The following NRXN3 variants were observed in gnomAD, a reference collection of about 807,000 sequenced individuals.
NRXN3 encodes neurexin III.
A neutral mutation model predicts 137.6 loss-of-function variants in NRXN3; 32 were observed. The ratio of observed to expected loss-of-function variants is 0.23; its 90% confidence interval spans 0.18 to 0.31. The LOEUF is 0.31. Among genes scored for constraint, NRXN3 ranks in the 10% least tolerant of loss-of-function variants. The probability of loss-of-function intolerance (pLI) is 1.00; values close to 1 mark genes in which losing one functional copy is unlikely to be tolerated. For missense variants in NRXN3, 1,574 were observed against 2,062.5 expected (o/e 0.76, Z 4.59); for synonymous variants, 798 against 784.5 (o/e 1.02, Z -0.29).
At chr14:79,081,858 C>T (rs186362888) in intron 15 of NRXN3, among the ~76,000 whole-genome samples, 10 of 152,076 alleles carry the variant, frequency 6.6e-5, no homozygotes, top group African/African-American at 9.6e-5. Context: ...TTAGGCACTG[C>T]GGTATGCCTC....
chr14:79,348,493 A>T (rs1199984938), intron 15 of NRXN3, among the ~76,000 whole-genome samples: 1 of 150,826 alleles, frequency 6.6e-6, no homozygotes, highest in Admixed American at 6.6e-5. Flanking sequence ...TTCCTGCCTC[A>T]GCCTCCTGAG....
intron 10 of NRXN3, among the ~76,000 whole-genome samples, chr14:78,878,914 T>G (rs1323199975): frequency 6.7e-6 from 1 of 148,808 alleles, no homozygotes; most frequent in African/African-American, 2.5e-5. Context: ...TATGAGTTTG[T>G]TTTTTTTTTA....
chr14:79,152,431 C>A (rs1430125049), intron 15 of NRXN3, among the ~76,000 whole-genome samples: 1 of 152,012 alleles, frequency 6.6e-6, no homozygotes, highest in African/African-American at 2.4e-5. Context: ...TACTCCCCAC[C>A]ATTGACACAT....
intron 4 of NRXN3, among the ~76,000 whole-genome samples, chr14:78,618,964 G>T (rs1275215579): frequency 1.3e-5 from 2 of 152,170 alleles, no homozygotes; most frequent in African/African-American, 4.8e-5. Flanking sequence ...CTTTATGTAT[G>T]ACCCCTTAAT....
intron 4 of NRXN3, among the ~76,000 whole-genome samples, chr14:78,363,656 C>A (rs2153608588): frequency 6.6e-6 from 1 of 152,292 alleles, no homozygotes; most frequent in East Asian, 1.9e-4. Context: ...TGATAAGGTG[C>A]TATCTGGCTG....
At position 78,615,770 on chromosome 14, in the gene NRXN3, A is replaced by AC. The variant is rs1181369096; in HGVS notation, c.758-29345dup. Among the ~76,000 whole-genome samples, 65 of 151,768 alleles carry AC rather than the reference A, an allele frequency of 4.3e-4. 1 individual carries two copies. Among genetic ancestry groups the AC allele is most frequent in the African/African-American group, 1.5e-3 (60 of 41,226 alleles). ...GACAACATGGTGAGACACAGTCTCTACCCCCAAAAAAAACAAAACAATTAG... is the reference window on the plus strand; with the variant it reads ...GACAACATGGTGAGACACAGTCTCTACCCCCCAAAAAAAACAAAACAATTAG... On this transcript the variant is annotated intron_variant, in intron 4 of 20. Coordinates refer to ENST00000335750, the MANE Select transcript of NRXN3 (RefSeq NM_001330195.2).
At chr14:78,652,233 G>T (rs780964322) in intron 6 of NRXN3, among the ~76,000 whole-genome samples, 1 of 152,204 alleles carries the variant, frequency 6.6e-6, no homozygotes, top group Admixed American at 6.5e-5. Flanking sequence ...CAGAAGACTG[G>T]TTTTTTCCTT....
At chr14:78,407,538 G>T (rs2092564510) in intron 4 of NRXN3, among the ~76,000 whole-genome samples, 1 of 152,092 alleles carries the variant, frequency 6.6e-6, no homozygotes. Context: ...AAGAGACTTG[G>T]CAATTGATAG....
Position 78,651,160 on chromosome 14 carries a change from A to G in NRXN3, c.1060-5A>G. On this transcript the variant is annotated splice_region_variant and splice_polypyrimidine_tract_variant and intron_variant, in intron 5 of 20. Transcript: ENST00000335750. ...ATTTTTTTTGTCCCTATGTCCCTCC[A>G]CCAGGTGACAATCTCTGTGGATGGC... 6.2e-7 allele frequency: 1 copy of G among 1,612,888 alleles called. No individual in the cohort carries two copies. The highest frequency in any genetic ancestry group is 1.1e-5 in the South Asian group (1 of 90,976).
chr14:79,720,619 A>G (rs928610161), intron 19 of NRXN3, among the ~76,000 whole-genome samples: 2 of 152,120 alleles, frequency 1.3e-5, no homozygotes, highest in South Asian at 2.1e-4. Flanking sequence ...TGACTCTTCA[A>G]CTAGGTTTCT....
At chr14:79,297,385 TGGAA>T (rs2084363015) in intron 15 of NRXN3, among the ~76,000 whole-genome samples, 3 of 152,182 alleles carry the variant, frequency 2.0e-5, no homozygotes, top group African/African-American at 7.2e-5. Context: ...ATGCAATATT[TGGAA>T]TATACTTATA....
chr14:79,833,692 T>C (rs1319253643), intron 20 of NRXN3, among the ~76,000 whole-genome samples: 2 of 152,134 alleles, frequency 1.3e-5, no homozygotes, highest in African/African-American at 4.8e-5. Flanking sequence ...TAAAATGATA[T>C]TGCATGGACT....
intron 16 of NRXN3, among the ~76,000 whole-genome samples, chr14:79,599,924 G>T (rs2153833004): frequency 6.6e-6 from 1 of 152,356 alleles, no homozygotes; most frequent in Non-Finnish European, 1.5e-5. Context: ...GAACCCAGGA[G>T]GCGGAGGTTG....
intron 20 of NRXN3, among the ~76,000 whole-genome samples, chr14:79,810,691 C>A (rs1389898611): frequency 1.3e-5 from 2 of 152,140 alleles, no homozygotes; most frequent in Non-Finnish European, 2.9e-5. Context: ...CCAGGTGGAA[C>A]TGGATTCTTA....
chr14:78,520,516 T>G (rs926800859), intron 4 of NRXN3, among the ~76,000 whole-genome samples: 1 of 152,132 alleles, frequency 6.6e-6, no homozygotes, highest in African/African-American at 2.4e-5. Context: ...TGTCTCACAA[T>G]GATACAGAGG....
intron 16 of NRXN3, among the ~76,000 whole-genome samples, chr14:79,492,906 T>G (rs2096730900): frequency 6.6e-6 from 1 of 152,178 alleles, no homozygotes; most frequent in Non-Finnish European, 1.5e-5. Context: ...GTTTTAATGT[T>G]GGAGATTCAT....
In NRXN3 at chr14:78,314,750, G is replaced by A. The variant is rs370159280; in HGVS notation, c.757+16890G>A. 1.4e-4 allele frequency among the ~76,000 whole-genome samples: 21 copies of A among 152,250 alleles called. No homozygotes were observed. The South Asian group carries it at 2.3e-3, about 17-fold the overall frequency. On this transcript the variant is annotated intron_variant, in intron 4 of 20. Transcript: ENST00000335750. ...TCTGTGTTCTGATCTTGTGTCATGC[G>A]TATTAGCTTTCTTCAGCCCACCTTC...
At chr14:78,904,994 C>A (rs2099210841) in intron 10 of NRXN3, among the ~76,000 whole-genome samples, 1 of 152,036 alleles carries the variant, frequency 6.6e-6, no homozygotes, top group Admixed American at 6.6e-5. Context: ...CCTGCACAAC[C>A]ACCCAGTTAA....
intron 15 of NRXN3, among the ~76,000 whole-genome samples, chr14:79,430,008 T>G (rs527527496): frequency 6.6e-6 from 1 of 152,280 alleles, no homozygotes; most frequent in Non-Finnish European, 1.5e-5. Context: ...ATTAAGTTTT[T>G]TCCATCTAGG....
Sources: gnomAD v4.1 joint callset for allele counts (sites outside exome capture counted in the v4.1 genomes callset) on GRCh38, gnomAD v4.1.1 for gene constraint, MANE v1.5 for transcripts, NCBI Gene and HGNC (gene_info 2026-07-23, HGNC 2026-07-21) for gene names.